Variants in PAPPA observed in about 807,000 individuals in gnomAD.
The protein encoded by PAPPA is pappalysin 1, also known as pappalysin-1.
A neutral mutation model predicts 164.0 loss-of-function variants in PAPPA; 60 were observed. That is an observed-to-expected ratio of 0.37 (90% CI 0.30 to 0.45). The LOEUF is 0.45. PAPPA is among the 20% of genes least tolerant of loss of function. The probability of loss-of-function intolerance (pLI) is 1.00; values close to 1 mark genes in which losing one functional copy is unlikely to be tolerated. For synonymous variants in PAPPA, 875 were observed against 814.1 expected, an observed-to-expected ratio of 1.07 and a Z score of -1.27; for missense variants, 1,782 against 2,087.3, an observed-to-expected ratio of 0.85 and a Z score of 2.85.
At chr9:116,190,358 A>T (rs1453440534) in intron 2 of PAPPA, among the ~76,000 whole-genome samples, 1 of 152,214 alleles carries the variant, frequency 6.6e-6, no homozygotes, top group African/African-American at 2.4e-5. Context: ...CATTCATGCA[A>T]CAAATGTTTA....
intron 1 of PAPPA, among the ~76,000 whole-genome samples, chr9:116,161,011 T>C (rs1843659212): frequency 6.6e-6 from 1 of 152,146 alleles, no homozygotes; most frequent in Admixed American, 6.5e-5. Context: ...TCTCATGGGC[T>C]GTCATGGGAC....
intron 7 of PAPPA, among the ~76,000 whole-genome samples, chr9:116,247,846 C>T (rs971170964): frequency 1.3e-5 from 2 of 152,154 alleles, no homozygotes; most frequent in Non-Finnish European, 2.9e-5. Context: ...ATCTGACTCC[C>T]ACACCAGCAC....
chr9:116,214,930 C>T (rs573635236), intron 4 of PAPPA, among the ~76,000 whole-genome samples: 38 of 152,208 alleles, frequency 2.5e-4, no homozygotes, highest in South Asian at 1.7e-3. Context: ...AAGATTTAAC[C>T]GTAAGAATGT....
chr9:116,200,381 C>T (rs750876401), intron 2 of PAPPA, among the ~76,000 whole-genome samples: 5 of 152,168 alleles, frequency 3.3e-5, no homozygotes, highest in African/African-American at 1.2e-4. Flanking sequence ...AAGTAAGAGA[C>T]TAATGGCTAA....
intron 1 of PAPPA, among the ~76,000 whole-genome samples, chr9:116,161,740 G>T (rs1843667237): frequency 6.6e-6 from 1 of 151,702 alleles, no homozygotes; most frequent in African/African-American, 2.4e-5. Flanking sequence ...TGGGGGTAGT[G>T]GTTGGTGAGA....
At position 116,362,591 on chromosome 9, in the gene PAPPA, G is replaced by A; in HGVS notation, c.4348-1G>A. ...CCTAACTCTGTTTCTCTGTTGTTCA[G>A]GGACTTGGGAGCAATGTCATTCATT... On this transcript the variant is annotated splice_acceptor_variant, in intron 17 of 21. Transcript: ENST00000328252. LOFTEE classifies it high-confidence loss of function. 4 of 1,613,142 alleles carry A rather than the reference G, an allele frequency of 2.5e-6. No homozygotes were observed. Among genetic ancestry groups the A allele is most frequent in the Non-Finnish European group, 3.4e-6 (4 of 1,179,502 alleles).
At chr9:116,378,156 T>G (rs1379664001) in intron 20 of PAPPA, among the ~76,000 whole-genome samples, 1 of 152,202 alleles carries the variant, frequency 6.6e-6, no homozygotes, top group Non-Finnish European at 1.5e-5. Context: ...TATGAATGCC[T>G]TAGACCTAAC....
chr9:116,278,021 A>T (rs1424288824), intron 9 of PAPPA, among the ~76,000 whole-genome samples: 1 of 152,216 alleles, frequency 6.6e-6, no homozygotes, highest in Non-Finnish European at 1.5e-5. Flanking sequence ...CTATGAGATA[A>T]ATAATGTTAT....
At chr9:116,355,399 A>T (rs532547827) in intron 17 of PAPPA, among the ~76,000 whole-genome samples, 1 of 152,350 alleles carries the variant, frequency 6.6e-6, no homozygotes, top group South Asian at 2.1e-4. Context: ...GTCAGAATCC[A>T]GGTTCCCCTG....
intron 10 of PAPPA, among the ~76,000 whole-genome samples, chr9:116,316,080 A>G (rs1264615000): frequency 6.6e-6 from 1 of 152,246 alleles, no homozygotes; most frequent in Non-Finnish European, 1.5e-5. Context: ...AACCAGAACC[A>G]TGTCCCTCTA....
At chr9:116,300,817 C>G (rs1342899735) in intron 9 of PAPPA, among the ~76,000 whole-genome samples, 2 of 150,672 alleles carry the variant, frequency 1.3e-5, no homozygotes, top group African/African-American at 4.8e-5. Context: ...TTAATTCCTC[C>G]ACTTAGAAGC....
chr9:116,334,989 G>T lies in PAPPA; in HGVS notation c.3526G>T (p.Val1176Leu), dbSNP rs747802553. ...FSSPLVAISG[V>L]ALRSFDNFDP... ...TTCGCCCCTGGTCGCCATCTCGGGGGTGGCCCTCCGTTCCTTCGACAACTT... is the reference window on the plus strand; with the variant it reads ...TTCGCCCCTGGTCGCCATCTCGGGGTTGGCCCTCCGTTCCTTCGACAACTT... Residue 1176 changes from valine (V) to leucine (L), a missense_variant, in exon 13 of 22, where the codon GTG becomes TTG. Transcript: ENST00000328252. The T allele has an allele frequency of 5.6e-6, 9 of 1,613,864 alleles. No homozygotes were observed. The highest frequency in any genetic ancestry group is 7.6e-6 in the Non-Finnish European group (9 of 1,180,018).
rs1404330058 is a variant in PAPPA at position 116,154,329 on chromosome 9, C to G, written c.157C>G (p.Arg53Gly). ...GGCCACCTGCGCCACCCGGGCGGCCCGCGGCCGCCGCGCCTCGCCGCCGCC... is the reference window on the plus strand; with the variant it reads ...GGCCACCTGCGCCACCCGGGCGGCCGGCGGCCGCCGCGCCTCGCCGCCGCC... ...GPATCATRAA[R>G]GRRASPPPPP... Residue 53 changes from arginine to glycine, a missense_variant, in exon 1 of 22, where the codon CGC becomes GGC. By Grantham distance (125) the Arg-to-Gly change is moderately radical. Transcript: ENST00000328252. The surrounding 1 kb of genome is among the most constrained non-coding windows in gnomAD (Gnocchi z 5.2). The G allele has an allele frequency of 9.5e-6, 8 of 839,832 alleles. No individual in the cohort carries two copies. Among genetic ancestry groups the G allele is most frequent in the African/African-American group, 9.4e-5 (5 of 53,036 alleles). The allele number at this position is 839,832 out of a possible 1,614,324, so 52.0% of individuals were successfully genotyped here.
intron 7 of PAPPA, among the ~76,000 whole-genome samples, chr9:116,248,873 T>C (rs1031421442): frequency 1.3e-5 from 2 of 152,166 alleles, no homozygotes; most frequent in African/African-American, 4.8e-5. Context: ...ACATCATATC[T>C]GGTATATTGA....
intron 5 of PAPPA, among the ~76,000 whole-genome samples, chr9:116,224,444 C>T (rs1290219355): frequency 1.3e-5 from 2 of 152,182 alleles, no homozygotes; most frequent in Non-Finnish European, 2.9e-5. Context: ...ATGTTCTAGG[C>T]TTTCTCAACC....
rs539388552 is a variant in PAPPA at position 116,397,745 on chromosome 9, A to G, written c.*1129A>G. The G allele has an allele frequency of 3.9e-5, 6 of 152,770 alleles. No homozygotes were observed. The East Asian group carries it at 9.7e-4, about 25-fold the overall frequency. The allele number at this position is 152,770 out of a possible 1,614,324, so 9.5% of individuals were successfully genotyped here. ...AAGCCAGTGTTAGATTTTGTAAACA[A>G]GTGGAACAGTGTTAAATTTCTATGA... On this transcript the variant is annotated 3_prime_UTR_variant, in exon 22 of 22. Transcript: ENST00000328252.
At position 116,369,923 on chromosome 9, in the gene PAPPA, G is replaced by C. The variant is rs570376233; in HGVS notation, c.4605+2169G>C. 2.6e-5 allele frequency among the ~76,000 whole-genome samples: 4 copies of C among 152,242 alleles called. No homozygotes were observed. The South Asian group carries it at 8.3e-4, about 32-fold the overall frequency. ...AGGAAAAAAATGTGGTAGAAAAAGG[G>C]AGGAGGGCGAAGGGCAGAGATTGAT... On this transcript the variant is annotated intron_variant, in intron 19 of 21. Transcript: ENST00000328252.
At chr9:116,302,693 G>T in intron 9 of PAPPA, 64 bp from the exon 10 acceptor site, 1 of 1,389,906 alleles carries the variant, frequency 7.2e-7, no homozygotes, top group South Asian at 1.3e-5. Flanking sequence ...AGCTGCTGAT[G>T]ATTGCTGAGG....
At chr9:116,301,776 C>A (rs1368742054) in intron 9 of PAPPA, among the ~76,000 whole-genome samples, 1 of 152,170 alleles carries the variant, frequency 6.6e-6, no homozygotes, top group Non-Finnish European at 1.5e-5. Flanking sequence ...TCCGACAAGC[C>A]CTTAGAAGCC....
Sources: allele counts gnomAD v4.1 joint callset (sites outside exome capture counted in the v4.1 genomes callset), GRCh38; gene constraint gnomAD v4.1.1; non-coding constraint Gnocchi (gnomAD v3.1); transcripts MANE v1.5; gene names NCBI Gene and HGNC (gene_info 2026-07-23, HGNC 2026-07-21).